NKAIN2: variants seen among roughly 807,000 people sequenced by gnomAD.
NKAIN2 encodes the protein sodium/potassium transporting ATPase interacting 2, also known as sodium/potassium-transporting ATPase subunit beta-1-interacting protein 2.
NKAIN2 carries 14 observed loss-of-function variants against 32.6 expected under a neutral mutation model. The ratio of observed to expected loss-of-function variants is 0.43; its 90% confidence interval spans 0.28 to 0.67. The LOEUF (loss-of-function observed/expected upper bound fraction) is 0.67, where lower values mean the gene tolerates loss of function less well. NKAIN2 is among the 30% of genes least tolerant of loss of function. The probability of loss-of-function intolerance (pLI) is 0.17; values close to 1 mark genes in which losing one functional copy is unlikely to be tolerated. For synonymous variants in NKAIN2, 80 were observed against 87.2 expected, an observed-to-expected ratio of 0.92 and a Z score of 0.46; for missense variants, 198 against 258.3, an observed-to-expected ratio of 0.77 and a Z score of 1.60.
intron 1 of NKAIN2, among the ~76,000 whole-genome samples, chr6:124,117,050 T>C (rs1785649951): frequency 6.6e-6 from 1 of 152,112 alleles, no homozygotes; most frequent in South Asian, 2.1e-4. Flanking sequence ...GCTTTTTTAC[T>C]TTGAATTATT....
chr6:123,954,697 C>A (rs1777485184), intron 1 of NKAIN2, among the ~76,000 whole-genome samples: 1 of 152,178 alleles, frequency 6.6e-6, no homozygotes, highest in African/African-American at 2.4e-5. Flanking sequence ...TCCACCTATT[C>A]TCTTACTCTG....
chr6:124,708,454 T>C (rs1008510186), intron 4 of NKAIN2, among the ~76,000 whole-genome samples: 3 of 152,156 alleles, frequency 2.0e-5, no homozygotes, highest in Non-Finnish European at 2.9e-5. Context: ...TTTCAGGATA[T>C]TGATTCTTCC....
chr6:124,618,672 G>C (rs1214732568), intron 3 of NKAIN2, among the ~76,000 whole-genome samples: 1 of 152,076 alleles, frequency 6.6e-6, no homozygotes, highest in Non-Finnish European at 1.5e-5. Flanking sequence ...AACAATATAT[G>C]CTACAGTTCT....
At chr6:123,878,701 C>T (rs1262515566) in intron 1 of NKAIN2, among the ~76,000 whole-genome samples, 1 of 151,976 alleles carries the variant, frequency 6.6e-6, no homozygotes, top group Non-Finnish European at 1.5e-5. Flanking sequence ...ATGGTTCCAC[C>T]CACTACTGAT....
intron 1 of NKAIN2, among the ~76,000 whole-genome samples, chr6:123,833,727 T>TGTG (rs1562207741): frequency 1.2e-5 from 1 of 84,024 alleles, no homozygotes; most frequent in African/African-American, 4.5e-5. Flanking sequence ...GTGTGTGTGT[T>TGTG]TCCTGTGGAT....
intron 2 of NKAIN2, among the ~76,000 whole-genome samples, chr6:124,304,509 GA>G (rs1796430056): frequency 6.6e-6 from 1 of 152,166 alleles, no homozygotes; most frequent in Non-Finnish European, 1.5e-5. Flanking sequence ...AGTTAGAGTA[GA>G]AAAACGGCTG....
chr6:124,270,997 A>G (rs146064534), intron 1 of NKAIN2, among the ~76,000 whole-genome samples: 337 of 152,320 alleles, frequency 2.2e-3, no homozygotes, highest in African/African-American at 7.7e-3. Flanking sequence ...CTGGTGGGAC[A>G]TCAGAGATGA....
intron 1 of NKAIN2, among the ~76,000 whole-genome samples, chr6:123,940,650 A>C (rs1459641359): frequency 6.6e-6 from 1 of 152,038 alleles, no homozygotes; most frequent in Non-Finnish European, 1.5e-5. Context: ...CAGAAAAGCT[A>C]CAGGTAAAAA....
intron 3 of NKAIN2, among the ~76,000 whole-genome samples, chr6:124,562,561 T>C (rs1329055247): frequency 6.6e-6 from 1 of 152,246 alleles, no homozygotes; most frequent in Non-Finnish European, 1.5e-5. Flanking sequence ...GTTTGTTATA[T>C]CTATTGATTA....
intron 1 of NKAIN2, among the ~76,000 whole-genome samples, chr6:123,930,277 G>C (rs1327767007): frequency 6.6e-6 from 1 of 152,104 alleles, no homozygotes; most frequent in African/African-American, 2.4e-5. Flanking sequence ...AGAGTTGTTT[G>C]TACATTTTAT....
intron 4 of NKAIN2, among the ~76,000 whole-genome samples, chr6:124,783,134 T>A (rs1415752177): frequency 1.3e-5 from 2 of 152,174 alleles, no homozygotes; most frequent in African/African-American, 4.8e-5. Flanking sequence ...GAGAGAGGTA[T>A]TAACCATAAT....
chr6:123,927,395 A>G (rs1776048794), intron 1 of NKAIN2, among the ~76,000 whole-genome samples: 1 of 152,200 alleles, frequency 6.6e-6, no homozygotes, highest in African/African-American at 2.4e-5. Context: ...CATGTTAGTC[A>G]ATGAAACCTT....
rs956545059 is a variant in NKAIN2 at position 124,251,790 on chromosome 6, C to T, written c.55-31215C>T. 4.6e-5 allele frequency among the ~76,000 whole-genome samples: 7 copies of T among 151,872 alleles called. No homozygotes were observed. In the East Asian group the frequency reaches 5.8e-4, roughly 13 times the overall value. ...CTGATAGGAATTCAAATTGATAGAA[C>T]CCTTTGGAAAAATGTTTGATATTAC... is the stretch of plus-strand genomic sequence containing the variant. On this transcript the variant is annotated intron_variant, in intron 1 of 6. Coordinates refer to ENST00000368417, the MANE Select transcript of NKAIN2 (RefSeq NM_001040214.3).
At chr6:124,813,184 T>TA (rs1342978039) in intron 5 of NKAIN2, among the ~76,000 whole-genome samples, 1 of 151,972 alleles carries the variant, frequency 6.6e-6, no homozygotes, top group East Asian at 1.9e-4. Context: ...CTCTTAAAGA[T>TA]ACATTACAAA....
intron 1 of NKAIN2, among the ~76,000 whole-genome samples, chr6:124,018,085 A>G (rs1780674689): frequency 6.6e-6 from 1 of 152,176 alleles, no homozygotes; most frequent in South Asian, 2.1e-4. Context: ...CCAAACCTCA[A>G]TTCTTGATTT....
intron 1 of NKAIN2, among the ~76,000 whole-genome samples, chr6:124,019,862 T>C (rs1398035052): frequency 1.3e-5 from 2 of 152,162 alleles, no homozygotes; most frequent in African/African-American, 2.4e-5. Context: ...AACTAAACAC[T>C]TATTTATTAT....
chr6:124,693,845 GA>G (rs1424348277), intron 4 of NKAIN2, among the ~76,000 whole-genome samples: 1 of 152,104 alleles, frequency 6.6e-6, no homozygotes, highest in Non-Finnish European at 1.5e-5. Flanking sequence ...CCTGTCTTAA[GA>G]CCCATAGAGA....
chr6:124,466,199 T>C (rs1331348921), intron 3 of NKAIN2, among the ~76,000 whole-genome samples: 1 of 152,062 alleles, frequency 6.6e-6, no homozygotes, highest in East Asian at 1.9e-4. Context: ...AATAAGTTCT[T>C]CTCCAAGTTT....
At chr6:124,121,063 C>T (rs141859837) in intron 1 of NKAIN2, among the ~76,000 whole-genome samples, 156 of 152,090 alleles carry the variant, frequency 1.0e-3, no homozygotes, top group Non-Finnish European at 1.9e-3. Flanking sequence ...AAAGCTAAAC[C>T]GAATGTTCCT....
Sources: gnomAD v4.1 joint callset for allele counts (sites outside exome capture counted in the v4.1 genomes callset) on GRCh38, gnomAD v4.1.1 for gene constraint, MANE v1.5 for transcripts, NCBI Gene and HGNC (gene_info 2026-07-23, HGNC 2026-07-21) for gene names.